Variants in ATP2B1 observed in about 807,000 individuals in gnomAD.
The protein encoded by ATP2B1 is plasma membrane calcium-transporting ATPase 1.
ATP2B1 carries 14 observed loss-of-function variants against 124.2 expected under a neutral mutation model. The observed-to-expected ratio is 0.11, with a 90% CI of 0.07 to 0.18. ATP2B1 has a LOEUF of 0.18. Ranked by LOEUF, ATP2B1 falls within the 10% of genes least tolerant of loss-of-function variation. ATP2B1 has a pLI of 1.00. For missense variants in ATP2B1, 763 were observed against 1,466.1 expected, an observed-to-expected ratio of 0.52 and a Z score of 7.83; for synonymous variants, 449 against 492.4, an observed-to-expected ratio of 0.91 and a Z score of 1.17.
At chr12:89,653,298 T>C (rs1240733350) in intron 2 of ATP2B1, among the ~76,000 whole-genome samples, 10 of 140,524 alleles carry the variant, frequency 7.1e-5, no homozygotes, top group African/African-American at 2.4e-4. Flanking sequence ...TTTTTTTTTT[T>C]TTTTTTTTTG....
chr12:89,642,766 G>A (rs56138201), intron 2 of ATP2B1, among the ~76,000 whole-genome samples: 2,659 of 151,948 alleles, frequency 0.017, 41 homozygotes, highest in Admixed American at 0.027. Context: ...CACCACACCC[G>A]GCTAATTTTT....
At chr12:89,628,492 T>G (rs371430439) in intron 6 of ATP2B1, among the ~76,000 whole-genome samples, 1 of 146,724 alleles carries the variant, frequency 6.8e-6, no homozygotes. Context: ...GTACAAAAGA[T>G]AGGAGAGGTA....
chr12:89,625,134 T>C (rs1413805291), intron 8 of ATP2B1, among the ~76,000 whole-genome samples: 1 of 151,732 alleles, frequency 6.6e-6, no homozygotes, highest in African/African-American at 2.4e-5. Context: ...CTGGGCATGG[T>C]GGTGCGTGCC....
rs980264107 is a variant in ATP2B1, at chr12:89,653,672, C to A, written c.208+2007G>T. Reference sequence around the variant, plus strand: ...CTTCCAACATACTGTCAAAAGGGTACATAACTATCCCCTTCTCAAATTTTA... The same window carrying A: ...CTTCCAACATACTGTCAAAAGGGTAAATAACTATCCCCTTCTCAAATTTTA... On this transcript the variant is annotated intron_variant, in intron 2 of 20. Coordinates refer to ENST00000428670, the MANE Select transcript of ATP2B1 (RefSeq NM_001366521.1). 2.6e-5 allele frequency among the ~76,000 whole-genome samples: 4 copies of A among 152,280 alleles called. No homozygotes were observed. The South Asian group carries it at 8.3e-4, about 32-fold the overall frequency.
chr12:89,630,464 C>T, intron 6 of ATP2B1, 41 bp downstream of exon 6: 19 of 1,423,692 alleles, frequency 1.3e-5, no homozygotes, highest in South Asian at 3.2e-5. Flanking sequence ...AATTATTTGC[C>T]CTATTTCCAA....
chr12:89,662,349 A>G (rs10777189), intron 1 of ATP2B1, among the ~76,000 whole-genome samples: 142,317 of 152,124 alleles, frequency 0.94, 66,782 homozygotes, highest in East Asian at 0.99. Context: ...TCACTCTCAT[A>G]GTGAAAAGAG....
At chr12:89,595,448 G>GT (rs1456683540) in intron 20 of ATP2B1, among the ~76,000 whole-genome samples, 2 of 152,044 alleles carry the variant, frequency 1.3e-5, no homozygotes, top group Non-Finnish European at 2.9e-5. Flanking sequence ...CTAGAGACCT[G>GT]TAAGAGTGAA....
intron 2 of ATP2B1, among the ~76,000 whole-genome samples, chr12:89,649,668 T>A (rs984042857): frequency 6.6e-6 from 1 of 152,210 alleles, no homozygotes; most frequent in African/African-American, 2.4e-5. Context: ...CATGATTGTA[T>A]TTTGAAATGT....
Position 89,663,686 on chromosome 12 carries a change from C to T in ATP2B1, c.-221-7579G>A, listed in dbSNP as rs536483009. Among the ~76,000 whole-genome samples the T allele has an allele frequency of 5.9e-5, 9 of 152,304 alleles. No individual in the cohort carries two copies. The East Asian group carries it at 1.4e-3, about 23-fold the overall frequency. On this transcript the variant is annotated intron_variant, in intron 1 of 20. Coordinates refer to ENST00000428670, the MANE Select transcript of ATP2B1 (RefSeq NM_001366521.1). ...CAATCTAGCTTCCTCTTTTATGCTG[C>T]GTTGAAACTACTCTTCCAGGTGACC...
intron 3 of ATP2B1, among the ~76,000 whole-genome samples, chr12:89,638,912 A>G (rs1374459862): frequency 6.6e-6 from 1 of 152,182 alleles, no homozygotes; most frequent in East Asian, 1.9e-4. Context: ...TATTTATAGG[A>G]ATAATTCACA....
At chr12:89,669,068 GCA>G (rs1887625694) in intron 1 of ATP2B1, among the ~76,000 whole-genome samples, 1 of 152,022 alleles carries the variant, frequency 6.6e-6, no homozygotes, top group Non-Finnish European at 1.5e-5. Context: ...ATTTTCTTGT[GCA>G]CACACTCAGT....
chr12:89,634,651 C>T, intron 5 of ATP2B1, 127 bp downstream of exon 5: 1 of 1,037,890 alleles, frequency 9.6e-7, no homozygotes, highest in Middle Eastern at 3.3e-4. Flanking sequence ...AGGATTACAA[C>T]AGTAGAAGGT....
At chr12:89,638,965 A>G (rs1883102035) in intron 3 of ATP2B1, among the ~76,000 whole-genome samples, 1 of 152,190 alleles carries the variant, frequency 6.6e-6, no homozygotes. Context: ...GAAGAGTTTA[A>G]AGAGGTCTCG....
rs993310754 is a variant in ATP2B1, at chr12:89,658,092, T to C, written c.-221-1985A>G. Among the ~76,000 whole-genome samples, 7 of 152,352 alleles carry C rather than the reference T, an allele frequency of 4.6e-5. 1 individual carries two copies. The highest frequency in any genetic ancestry group is 6.8e-3 in the Middle Eastern group (2 of 294). On this transcript the variant is annotated intron_variant, in intron 1 of 20. Coordinates refer to ENST00000428670, the MANE Select transcript of ATP2B1 (RefSeq NM_001366521.1). ...TTATTTGATAATCTCCTTAGGTTTC[T>C]ATATCCAGAATTTGTTGGCCTGAAC...
intron 1 of ATP2B1, among the ~76,000 whole-genome samples, chr12:89,661,932 T>C (rs530845548): frequency 6.6e-6 from 1 of 152,296 alleles, no homozygotes; most frequent in African/African-American, 2.4e-5. Flanking sequence ...CCCAGTCCTC[T>C]TAGATATCAG....
At chr12:89,706,773 TAAAG>T (rs1892500836) in intron 1 of ATP2B1, among the ~76,000 whole-genome samples, 1 of 152,140 alleles carries the variant, frequency 6.6e-6, no homozygotes, top group African/African-American at 2.4e-5. Flanking sequence ...AATTTTAAAT[TAAAG>T]GTGGCGCTCT....
chr12:89,674,006 AGACT>A (rs569907904), intron 1 of ATP2B1, among the ~76,000 whole-genome samples: 38 of 152,312 alleles, frequency 2.5e-4, no homozygotes, highest in African/African-American at 8.4e-4. Flanking sequence ...GAAGAGGTGA[AGACT>A]GACTTTCATG....
chr12:89,690,469 A>G (rs1043075130), intron 1 of ATP2B1, among the ~76,000 whole-genome samples: 1 of 151,992 alleles, frequency 6.6e-6, no homozygotes, highest in African/African-American at 2.4e-5. Context: ...GAGGCAAGGC[A>G]ATAAAGTGTC....
chr12:89,611,926 T>C (rs966432762), intron 12 of ATP2B1: 2 of 152,246 alleles, frequency 1.3e-5, no homozygotes, highest in Non-Finnish European at 2.9e-5. Flanking sequence ...TGGGTATCGA[T>C]TCAGGTGTCT....
Sources: gnomAD v4.1 joint callset for allele counts (sites outside exome capture counted in the v4.1 genomes callset) on GRCh38, gnomAD v4.1.1 for gene constraint, MANE v1.5 for transcripts, NCBI Gene and HGNC (gene_info 2026-07-23, HGNC 2026-07-21) for gene names.